ACTN4: variants seen among roughly 807,000 people sequenced by gnomAD.
ACTN4 encodes the protein actinin alpha 4, also known as alpha-actinin-4.
A neutral mutation model predicts 114.2 loss-of-function variants in ACTN4; 18 were observed. The observed-to-expected ratio is 0.16, with a 90% CI of 0.11 to 0.23. ACTN4 has a LOEUF of 0.23. ACTN4 is among the 10% of genes least tolerant of loss of function. The probability of loss-of-function intolerance (pLI) is 1.00; values close to 1 mark genes in which losing one functional copy is unlikely to be tolerated. For synonymous variants in ACTN4, 515 were observed against 506.3 expected, an observed-to-expected ratio of 1.02 and a Z score of -0.23; for missense variants, 722 against 1,262.9, an observed-to-expected ratio of 0.57 and a Z score of 6.49.
chr19:38,672,933 G>A (rs1467025120), intron 1 of ACTN4, among the ~76,000 whole-genome samples: 1 of 148,374 alleles, frequency 6.7e-6, no homozygotes, highest in Non-Finnish European at 1.5e-5. Flanking sequence ...GATGGGGTTG[G>A]CCATCCATTC....
chr19:38,649,534 C>T (rs190058550), intron 1 of ACTN4, among the ~76,000 whole-genome samples: 1 of 152,218 alleles, frequency 6.6e-6, no homozygotes, highest in African/African-American at 2.4e-5. Flanking sequence ...TTGTTATCTG[C>T]AAAATGCAAA....
chr19:38,654,156 C>T (rs1164000583), intron 1 of ACTN4, among the ~76,000 whole-genome samples: 1 of 152,184 alleles, frequency 6.6e-6, no homozygotes, highest in South Asian at 2.1e-4. Flanking sequence ...GTGTAACTTT[C>T]AATGAATCAA....
chr19:38,727,635 C>G lies in ACTN4; in HGVS notation c.2338-311C>G, dbSNP rs568966362. ...TCCCAAAGGCAAGGAGAACCCCCCC[C>G]CCGACCCTCCACCAGTCCTGGGACT... On this transcript the variant is annotated intron_variant, in intron 18 of 20. Coordinates refer to ENST00000252699, the MANE Select transcript of ACTN4 (RefSeq NM_004924.6). The surrounding 1 kb of genome is among the most constrained non-coding windows in gnomAD (Gnocchi z 5.4). 7.7e-4 allele frequency among the ~76,000 whole-genome samples: 109 copies of G among 140,870 alleles called. 1 individual carries two copies. The highest frequency in any genetic ancestry group is 1.3e-3 in the East Asian group (6 of 4,714). 92.4% of individuals were successfully genotyped at this position (140,870 alleles called of 152,430 possible). A position where few individuals can be genotyped will look rare whatever the true frequency, so the allele number is the denominator to read the frequency against.
chr19:38,710,390 C>A, intron 8 of ACTN4, 48 bp downstream of exon 8: 1 of 1,580,812 alleles, frequency 6.3e-7, no homozygotes, highest in Non-Finnish European at 8.7e-7. Context: ...CCGCGCAATG[C>A]CGCCGCTGCC....
chr19:38,657,439 G>A lies in ACTN4; in HGVS notation c.162+9532G>A, dbSNP rs542273438. 1.4e-4 allele frequency among the ~76,000 whole-genome samples: 22 copies of A among 152,246 alleles called. No individual in the cohort carries two copies. The South Asian group carries it at 3.5e-3, about 24-fold the overall frequency. ...GTTACAGGCATGAGCCACTGTGCCC[G>A]AACTAATTTTTAAATTTTTTGTAAA... On this transcript the variant is annotated intron_variant, in intron 1 of 20. Coordinates refer to ENST00000252699, the MANE Select transcript of ACTN4 (RefSeq NM_004924.6).
intron 1 of ACTN4, among the ~76,000 whole-genome samples, chr19:38,686,508 C>T (rs1967747590): frequency 6.6e-6 from 1 of 152,160 alleles, no homozygotes; most frequent in African/African-American, 2.4e-5. Context: ...TAGATGGGGC[C>T]AGAGGAGGCC....
At position 38,731,173 on chromosome 19, in the gene ACTN4, C is replaced by T. The variant is rs753093200; in HGVS notation, c.*1741C>T. On this transcript the variant is annotated 3_prime_UTR_variant, in exon 21 of 21. Coordinates refer to ENST00000252699, the MANE Select transcript of ACTN4 (RefSeq NM_004924.6). ...TCGAAGTCCACACGCAGACGGCTAT[C>T]CCGGTAGCGGCTGGTGAGGGTCTGG... The T allele has an allele frequency of 6.2e-7, 1 of 1,613,090 alleles. No homozygotes were observed. The highest frequency in any genetic ancestry group is 1.3e-5 in the African/African-American group (1 of 74,922).
chr19:38,712,255 C>G (rs554442344), intron 8 of ACTN4, among the ~76,000 whole-genome samples: 11 of 151,604 alleles, frequency 7.3e-5, no homozygotes, highest in Admixed American at 2.0e-4. Context: ...AAGGGGGGGG[C>G]CGTACCTTCT....
intron 9 of ACTN4, among the ~76,000 whole-genome samples, chr19:38,715,540 G>A (rs1284354840): frequency 6.6e-6 from 1 of 152,166 alleles, no homozygotes; most frequent in Non-Finnish European, 1.5e-5. Context: ...GCAGTGGTTT[G>A]ACTGCTCATC....
At chr19:38,651,877 G>A (rs144879153) in intron 1 of ACTN4, among the ~76,000 whole-genome samples, 3 of 152,058 alleles carry the variant, frequency 2.0e-5, no homozygotes, top group East Asian at 3.9e-4. Context: ...GACTACAGGC[G>A]TGTGCTACCG....
chr19:38,651,183 G>T (rs1976551070), intron 1 of ACTN4, among the ~76,000 whole-genome samples: 1 of 152,260 alleles, frequency 6.6e-6, no homozygotes, highest in South Asian at 2.1e-4. Flanking sequence ...ATCCAGAACA[G>T]CTGTAGGCCC....
chr19:38,665,028 G>A (rs77861753), intron 1 of ACTN4, among the ~76,000 whole-genome samples: 2,138 of 152,256 alleles, frequency 0.014, 57 homozygotes, highest in African/African-American at 0.047. Flanking sequence ...ACCAAGATAG[G>A]AGGCAGCTCA....
At chr19:38,673,674 T>TTATATATTTATATATATTATA (rs1967262004) in intron 1 of ACTN4, among the ~76,000 whole-genome samples, 1 of 67,598 alleles carries the variant, frequency 1.5e-5, no homozygotes. Context: ...TTATATATAT[T>TTATATATTTATATATATTATA]TATATATTTA....
Position 38,727,141 on chromosome 19 carries a change from G to A in ACTN4, c.2337+38G>A, listed in dbSNP as rs558013244. ...CCACCTCCTCGGCCTCTCCCCTCCC[G>A]CCGTTGCCGTACCAGCCCACACCTT... is the stretch of plus-strand genomic sequence containing the variant. On this transcript the variant is annotated intron_variant, in intron 18 of 20. Coordinates refer to ENST00000252699, the MANE Select transcript of ACTN4 (RefSeq NM_004924.6). This position sits in a 1 kb window ranked among gnomAD's most constrained non-coding sequence, Gnocchi z 5.4. 12 of 1,613,016 alleles carry A rather than the reference G, an allele frequency of 7.4e-6. No individual in the cohort carries two copies. The highest frequency in any genetic ancestry group is 6.6e-5 in the South Asian group (6 of 91,054).
rs1968866391 is a variant in ACTN4, at chr19:38,717,067, T to C, written c.913-19T>C. 1 of 1,607,206 alleles carries C rather than the reference T, an allele frequency of 6.2e-7. No individual in the cohort carries two copies. Among genetic ancestry groups the C allele is most frequent in the South Asian group, 1.1e-5 (1 of 90,070 alleles). ...TGAGGGTCCCCCACAAAGGCCACGCTGGCTTCTGTGGCCCACAGCTCCTGG... is the reference window on the plus strand; with the variant it reads ...TGAGGGTCCCCCACAAAGGCCACGCCGGCTTCTGTGGCCCACAGCTCCTGG... On this transcript the variant is annotated intron_variant, in intron 9 of 20. Transcript: ENST00000252699. This position sits in a 1 kb window ranked among gnomAD's most constrained non-coding sequence, Gnocchi z 4.0.
intron 1 of ACTN4, among the ~76,000 whole-genome samples, chr19:38,699,253 TGC>T (rs1440283382): frequency 6.6e-6 from 1 of 152,220 alleles, no homozygotes; most frequent in Non-Finnish European, 1.5e-5. Flanking sequence ...ACCAGGAGGC[TGC>T]GTGCCCTGTG....
At chr19:38,720,961 T>C (rs564671724) in intron 11 of ACTN4, among the ~76,000 whole-genome samples, 9 of 152,356 alleles carry the variant, frequency 5.9e-5, no homozygotes, top group Non-Finnish European at 1.2e-4. Context: ...TTAGCCAGGA[T>C]CAGGGACTAA....
chr19:38,692,744 A>C (rs1359585319), intron 1 of ACTN4, among the ~76,000 whole-genome samples: 1 of 152,142 alleles, frequency 6.6e-6, no homozygotes, highest in Middle Eastern at 3.2e-3. Flanking sequence ...TGATAAGCCT[A>C]CCCAGGAATA....
chr19:38,654,583 AG>A (rs1976661906), intron 1 of ACTN4, among the ~76,000 whole-genome samples: 2 of 151,994 alleles, frequency 1.3e-5, no homozygotes, highest in Non-Finnish European at 2.9e-5. Context: ...AAAAAGAAAA[AG>A]AAAAGGAGTT....
Sources: gnomAD v4.1 joint callset for allele counts (sites outside exome capture counted in the v4.1 genomes callset) on GRCh38, gnomAD v4.1.1 for gene constraint, Gnocchi (gnomAD v3.1) non-coding constraint, MANE v1.5 for transcripts, NCBI Gene and HGNC (gene_info 2026-07-23, HGNC 2026-07-21) for gene names.